Variants in LPIN2 observed in about 807,000 individuals in gnomAD.
LPIN2 encodes phosphatidate phosphatase LPIN2.
In LPIN2, 55 loss-of-function variants were observed where a neutral mutation model predicts 111.4. That is an observed-to-expected ratio of 0.49 (90% CI 0.40 to 0.62). The LOEUF is 0.62. Ranked by LOEUF, LPIN2 falls within the 20% of genes least tolerant of loss-of-function variation. The pLI, the probability that LPIN2 is intolerant of heterozygous loss-of-function variation, is 0.00. For missense variants in LPIN2, 992 were observed against 1,112.1 expected, an observed-to-expected ratio of 0.89 and a Z score of 1.54; for synonymous variants, 425 against 414.0, an observed-to-expected ratio of 1.03 and a Z score of -0.32.
At chr18:2,936,508 G>A (rs1003656077) in intron 7 of LPIN2, among the ~76,000 whole-genome samples, 5 of 152,076 alleles carry the variant, frequency 3.3e-5, no homozygotes, top group African/African-American at 1.2e-4. Flanking sequence ...GTGCAGTGGT[G>A]CAATCACAGC....
At chr18:2,991,986 C>A (rs368028066) in intron 1 of LPIN2, among the ~76,000 whole-genome samples, 1 of 145,528 alleles carries the variant, frequency 6.9e-6, no homozygotes, top group East Asian at 2.0e-4. Flanking sequence ...CTAGCCTGGG[C>A]GACAGAGTGA....
chr18:2,952,975 T>C (rs1202128763), intron 3 of LPIN2, among the ~76,000 whole-genome samples: 3 of 152,212 alleles, frequency 2.0e-5, no homozygotes, highest in Non-Finnish European at 2.9e-5. Context: ...GGCAACAAAC[T>C]GGGTTTTTGG....
intron 1 of LPIN2, among the ~76,000 whole-genome samples, chr18:2,986,547 T>TTAAAA (rs10692682): frequency 3.0e-5 from 4 of 135,050 alleles, no homozygotes; most frequent in South Asian, 2.3e-4. Flanking sequence ...TTTTTTAATG[T>TTAAAA]AAAAAAAAAA....
chr18:2,926,407 T>A (rs1002578504), intron 13 of LPIN2, among the ~76,000 whole-genome samples: 1 of 152,222 alleles, frequency 6.6e-6, no homozygotes, highest in Non-Finnish European at 1.5e-5. Context: ...TTATTTTGTA[T>A]GTCTCCCTTT....
chr18:2,937,624 T>C, intron 7 of LPIN2, 68 bp downstream of exon 7: 3 of 1,290,088 alleles, frequency 2.3e-6, no homozygotes, highest in Non-Finnish European at 3.3e-6. Flanking sequence ...CATCACGTTA[T>C]GTGGAACACT....
Position 2,937,745 on chromosome 18 carries a change from G to A in LPIN2, c.1115C>T (p.Ala372Val), listed in dbSNP as rs201830346. The change falls in exon 7 of 20, where the codon GCG becomes GTG. Residue 372 changes from alanine to valine, a missense_variant. Ala to Val is a moderately conservative substitution (Grantham distance 64, BLOSUM62 0). This residue lies in a region of LPIN2 where 709 missense variants were observed against 753.2 expected (regional missense o/e 0.94). Transcript: ENST00000677752. Reference sequence around the variant, plus strand: ...AGCTGCCGGTTTGGATTCTGAGGGCGCCTCCGCTAAGGCTGCGTTGGGAAG... The same window carrying A: ...AGCTGCCGGTTTGGATTCTGAGGGCACCTCCGCTAAGGCTGCGTTGGGAAG... ...DHLPNAALAE[A>V]PSESKPAAKV... is the part of the protein sequence containing the mutation. 6.2e-6 allele frequency: 10 copies of A among 1,614,042 alleles called. No homozygotes were observed. Among genetic ancestry groups the A allele is most frequent in the African/African-American group, 1.3e-5 (1 of 74,986 alleles).
At position 2,954,404 on chromosome 18, in the gene LPIN2, T is replaced by A. The variant is rs116233851; in HGVS notation, c.288+100A>T. ...GCTTGTCTTGCCAACAACAGTCCTC[T>A]GTACAATCAACCATAAAAAACTGCT... On this transcript the variant is annotated intron_variant, in intron 3 of 19. Coordinates refer to ENST00000677752, the MANE Select transcript of LPIN2 (RefSeq NM_001375808.2). 72 of 808,796 alleles carry A rather than the reference T, an allele frequency of 8.9e-5. No individual in the cohort carries two copies. The African/African-American group carries it at 1.2e-3, about 13-fold the overall frequency. 50.1% of individuals were successfully genotyped at this position (808,796 alleles called of 1,614,324 possible). A position where few individuals can be genotyped will look rare whatever the true frequency, so the allele number is the denominator to read the frequency against.
At chr18:2,945,471 T>C in intron 4 of LPIN2, 2 of 763,460 alleles carry the variant, frequency 2.6e-6, no homozygotes, top group Non-Finnish European at 4.5e-6. Context: ...AAACAAAAGA[T>C]GACAGCAGCA....
chr18:2,952,514 ATTTT>A (rs1275630274), intron 3 of LPIN2, among the ~76,000 whole-genome samples: 1 of 152,170 alleles, frequency 6.6e-6, no homozygotes, highest in African/African-American at 2.4e-5. Context: ...TTCTGTAATT[ATTTT>A]TTTATTAAGC....
chr18:2,997,353 C>T (rs138845927), intron 1 of LPIN2, among the ~76,000 whole-genome samples: 125 of 132,050 alleles, frequency 9.5e-4, no homozygotes, highest in African/African-American at 3.0e-3. Flanking sequence ...TCTTGAACTC[C>T]TGACCTCATG....
At chr18:2,967,754 T>C (rs1197089295) in intron 1 of LPIN2, 1 of 152,236 alleles carries the variant, frequency 6.6e-6, no homozygotes, top group African/African-American at 2.4e-5. Flanking sequence ...TTCTCAGACA[T>C]TTAAATTCAA....
At chr18:2,948,869 A>G (rs891532456) in intron 4 of LPIN2, among the ~76,000 whole-genome samples, 14 of 151,386 alleles carry the variant, frequency 9.2e-5, no homozygotes, top group African/African-American at 3.4e-4. Context: ...GCTGGAGGGC[A>G]GTGGTGTGAT....
intron 1 of LPIN2, among the ~76,000 whole-genome samples, chr18:2,989,272 G>C (rs1334281687): frequency 6.6e-6 from 1 of 151,842 alleles, no homozygotes; most frequent in African/African-American, 2.4e-5. Flanking sequence ...ACTATGCTAA[G>C]TATTTCTAAA....
At chr18:2,966,371 T>C (rs2077804263) in intron 1 of LPIN2, among the ~76,000 whole-genome samples, 1 of 152,222 alleles carries the variant, frequency 6.6e-6, no homozygotes, top group South Asian at 2.1e-4. Flanking sequence ...TTGTTACACG[T>C]CTCTCATGTG....
chr18:2,967,934 C>A (rs1383495551), intron 1 of LPIN2, among the ~76,000 whole-genome samples: 1 of 152,172 alleles, frequency 6.6e-6, no homozygotes, highest in African/African-American at 2.4e-5. Flanking sequence ...GCCTACCCCC[C>A]AGGAGCACAA....
intron 11 of LPIN2, 102 bp downstream of exon 11, chr18:2,928,489 C>T: frequency 1.7e-5 from 20 of 1,150,764 alleles, no homozygotes; most frequent in South Asian, 5.0e-5. Flanking sequence ...TCAAGTAAAA[C>T]TTTGAATAGT....
chr18:3,005,446 G>T (rs1163147667), intron 1 of LPIN2, among the ~76,000 whole-genome samples: 1 of 152,022 alleles, frequency 6.6e-6, no homozygotes, highest in African/African-American at 2.4e-5. Flanking sequence ...GGGAGGCTGA[G>T]GTGGGAGGAT....
intron 1 of LPIN2, among the ~76,000 whole-genome samples, chr18:2,997,297 G>GT (rs959046352): frequency 3.2e-4 from 48 of 150,468 alleles, no homozygotes; most frequent in East Asian, 5.9e-4. Context: ...TTTGTTTTTT[G>GT]TTTTTTTTTA....
At chr18:2,941,462 T>C (rs1299604456) in intron 4 of LPIN2, among the ~76,000 whole-genome samples, 4 of 152,254 alleles carry the variant, frequency 2.6e-5, no homozygotes, top group Non-Finnish European at 4.4e-5. Context: ...GATTTTCAGT[T>C]ACTATAACTA....
Sources: gnomAD v4.1 joint callset for allele counts (sites outside exome capture counted in the v4.1 genomes callset) on GRCh38, gnomAD v4.1.1 for gene constraint, gnomAD v4.1.1 regional missense constraint, MANE v1.5 for transcripts, NCBI Gene and HGNC (gene_info 2026-07-23, HGNC 2026-07-21) for gene names.